The following BMPR1A variants were observed in gnomAD, a reference collection of about 807,000 sequenced individuals.
BMPR1A encodes the protein bone morphogenetic protein receptor type 1A.
A neutral mutation model predicts 66.0 loss-of-function variants in BMPR1A; 7 were observed. The observed-to-expected ratio is 0.11, with a 90% confidence interval of 0.06 to 0.20. BMPR1A has a LOEUF of 0.20. Among genes scored for constraint, BMPR1A ranks in the 10% least tolerant of loss-of-function variants. The pLI, the probability that BMPR1A is intolerant of heterozygous loss-of-function variation, is 1.00. For missense variants in BMPR1A, 408 were observed against 669.1 expected, an observed-to-expected ratio of 0.61 and a Z score of 4.31; for synonymous variants, 200 against 229.7, an observed-to-expected ratio of 0.87 and a Z score of 1.17.
chr10:86,834,475 G>A (rs1461702295), intron 1 of BMPR1A, among the ~76,000 whole-genome samples: 2 of 152,226 alleles, frequency 1.3e-5, no homozygotes, highest in Admixed American at 6.5e-5. Flanking sequence ...AAACAGAAGA[G>A]TGCTATGATA....
intron 1 of BMPR1A, among the ~76,000 whole-genome samples, chr10:86,779,501 G>A (rs1236407000): frequency 1.3e-5 from 2 of 152,092 alleles, no homozygotes; most frequent in Non-Finnish European, 2.9e-5. Flanking sequence ...TGAGTTACTT[G>A]TATATTCTGG....
chr10:86,779,659 G>T (rs1316249008), intron 1 of BMPR1A, among the ~76,000 whole-genome samples: 1 of 152,014 alleles, frequency 6.6e-6, no homozygotes, highest in African/African-American at 2.4e-5. Flanking sequence ...GAATGCTGTG[G>T]CCTGATCACT....
rs186907380 is a variant in BMPR1A, at chr10:86,867,473, G to C, written c.-152-8394G>C. 2.0e-3 allele frequency among the ~76,000 whole-genome samples: 302 copies of C among 152,252 alleles called. 2 individuals are homozygous for C. The highest frequency in any genetic ancestry group is 3.5e-4 in the Non-Finnish European group (24 of 68,020). ...TTTGGTCATTTCTGCGTGTTCTAGA[G>C]GAGAAACAGAAGAGTGACACCTAGG... On this transcript the variant is annotated intron_variant, in intron 2 of 12. Coordinates refer to ENST00000372037, the MANE Select transcript of BMPR1A (RefSeq NM_004329.3).
chr10:86,860,086 A>G (rs914754497), intron 2 of BMPR1A, among the ~76,000 whole-genome samples: 3 of 152,036 alleles, frequency 2.0e-5, no homozygotes, highest in African/African-American at 7.2e-5. Context: ...AAGCAGTGCA[A>G]TCTGATTGCA....
intron 2 of BMPR1A, among the ~76,000 whole-genome samples, chr10:86,875,298 A>G (rs1246534193): frequency 6.6e-6 from 1 of 152,064 alleles, no homozygotes; most frequent in Admixed American, 6.5e-5. Flanking sequence ...ACTTGAACCC[A>G]GGAGGTGGAG....
At chr10:86,822,499 G>A (rs555343628) in intron 1 of BMPR1A, among the ~76,000 whole-genome samples, 1 of 152,242 alleles carries the variant, frequency 6.6e-6, no homozygotes, top group South Asian at 2.1e-4. Context: ...TATGGCATTA[G>A]GATTAAAAGT....
chr10:86,841,853 G>A (rs4114847), intron 2 of BMPR1A, among the ~76,000 whole-genome samples: 10,141 of 152,226 alleles, frequency 0.067, 786 homozygotes, highest in African/African-American at 0.19. Flanking sequence ...AATTAGTTGT[G>A]CCTACAGAAT....
At chr10:86,843,231 C>T (rs1011137364) in intron 2 of BMPR1A, among the ~76,000 whole-genome samples, 5 of 152,152 alleles carry the variant, frequency 3.3e-5, no homozygotes, top group African/African-American at 1.2e-4. Flanking sequence ...TCTCTACTCT[C>T]TTCTCTTGGC....
intron 3 of BMPR1A, among the ~76,000 whole-genome samples, chr10:86,878,293 G>A (rs1284733133): frequency 6.6e-6 from 1 of 152,054 alleles, no homozygotes; most frequent in African/African-American, 2.4e-5. Context: ...AACTGTTAGG[G>A]TATAGATTTA....
Position 86,925,202 on chromosome 10 carries a change from CAAG to C in BMPR1A, c.*1486_*1488del, listed in dbSNP as rs1234483313. 2 of 230,232 alleles carry C rather than the reference CAAG, an allele frequency of 8.7e-6. No individual in the cohort carries two copies. The highest frequency in any genetic ancestry group is 8.6e-6 in the Non-Finnish European group (1 of 116,364). The allele number at this position is 230,232 out of a possible 1,614,324, so 14.3% of individuals were successfully genotyped here. On this transcript the variant is annotated 3_prime_UTR_variant, in exon 13 of 13. Coordinates refer to ENST00000372037, the MANE Select transcript of BMPR1A (RefSeq NM_004329.3). ...ATATTTTATAGATGCCTTGTTATCT[CAAG>C]AAATCTGATTTACATAAACTTATAC...
At chr10:86,921,880 A>T (rs1411184488) in intron 11 of BMPR1A, among the ~76,000 whole-genome samples, 185 bp downstream of exon 11, 1 of 152,226 alleles carries the variant, frequency 6.6e-6, no homozygotes, top group Non-Finnish European at 1.5e-5. Flanking sequence ...AGAATTGGAT[A>T]TCTGTCCCTT....
chr10:86,828,337 G>T (rs1378155871), intron 1 of BMPR1A, among the ~76,000 whole-genome samples: 3 of 152,220 alleles, frequency 2.0e-5, no homozygotes, highest in Non-Finnish European at 4.4e-5. Context: ...GGAGAAGTGG[G>T]TAGAGGGTGA....
At chr10:86,919,044 G>A (rs892844363) in intron 9 of BMPR1A, 128 bp from the exon 10 acceptor site, 1 of 957,268 alleles carries the variant, frequency 1.0e-6, no homozygotes, top group Admixed American at 1.8e-5. Flanking sequence ...ACGACTTGGT[G>A]TCAGGCGAAT....
At chr10:86,809,876 A>G (rs1251467314) in intron 1 of BMPR1A, among the ~76,000 whole-genome samples, 1 of 152,054 alleles carries the variant, frequency 6.6e-6, no homozygotes, top group South Asian at 2.1e-4. Flanking sequence ...GTGGAATTGC[A>G]TATTTGTGCC....
chr10:86,806,264 A>G (rs990952678), intron 1 of BMPR1A, among the ~76,000 whole-genome samples: 2 of 152,098 alleles, frequency 1.3e-5, no homozygotes, highest in Admixed American at 6.6e-5. Flanking sequence ...TCTCTTCTCT[A>G]TAATTACTGT....
chr10:86,812,234 C>G (rs1384488153), intron 1 of BMPR1A, among the ~76,000 whole-genome samples: 1 of 152,150 alleles, frequency 6.6e-6, no homozygotes, highest in Non-Finnish European at 1.5e-5. Flanking sequence ...CTCTGGAAAC[C>G]AGCAACCTGT....
At chr10:86,769,249 T>G (rs1025855033) in intron 1 of BMPR1A, among the ~76,000 whole-genome samples, 4 of 152,124 alleles carry the variant, frequency 2.6e-5, no homozygotes, top group African/African-American at 9.7e-5. Context: ...TCAAACAAGT[T>G]GGTGTAAAAG....
At chr10:86,810,804 G>C (rs1012705876) in intron 1 of BMPR1A, among the ~76,000 whole-genome samples, 3 of 152,074 alleles carry the variant, frequency 2.0e-5, no homozygotes, top group Non-Finnish European at 4.4e-5. Context: ...CCAGATACAA[G>C]TCCTTATCAG....
intron 1 of BMPR1A, among the ~76,000 whole-genome samples, chr10:86,830,355 G>T (rs1052361291): frequency 5.3e-5 from 8 of 152,212 alleles, no homozygotes; most frequent in Non-Finnish European, 1.0e-4. Context: ...AAGTTCAGGA[G>T]CCTGGCTCAT....
Sources: gnomAD v4.1 joint callset for allele counts (sites outside exome capture counted in the v4.1 genomes callset) on GRCh38, gnomAD v4.1.1 for gene constraint, MANE v1.5 for transcripts, NCBI Gene and HGNC (gene_info 2026-07-23, HGNC 2026-07-21) for gene names.